The following CEP63 variants were observed in gnomAD, a reference collection of about 807,000 sequenced individuals.
The protein encoded by CEP63 is centrosomal protein 63.
A neutral mutation model predicts 89.1 loss-of-function variants in CEP63; 84 were observed. That is an observed-to-expected ratio of 0.94 (90% confidence interval 0.79 to 1.13). CEP63 has a LOEUF of 1.13. Among genes scored for constraint, CEP63 ranks in the 50% most tolerant of loss-of-function variants. The pLI, the probability that CEP63 is intolerant of heterozygous loss-of-function variation, is 0.00. For synonymous variants in CEP63, 267 were observed against 272.5 expected (o/e 0.98, Z 0.20); for missense variants, 838 against 813.3 (o/e 1.03, Z -0.37).
the CEP63 span, among the ~76,000 whole-genome samples, chr3:134,599,805 C>G: frequency 6.6e-6 from 1 of 152,226 alleles, no homozygotes; most frequent in African/African-American, 2.4e-5. Flanking sequence ...TCGCATTCAA[C>G]TGGCTGGGAC....
At chr3:134,678,763 C>A in the CEP63 span, among the ~76,000 whole-genome samples, 1 of 152,178 alleles carries the variant, frequency 6.6e-6, no homozygotes, top group Non-Finnish European at 1.5e-5. Context: ...ATACCCACCT[C>A]ACTGTGCTGC....
the CEP63 span, chr3:134,627,714 T>A: frequency 3.8e-6 from 6 of 1,568,368 alleles, no homozygotes; most frequent in Non-Finnish European, 5.3e-6. Flanking sequence ...GCTAAACCCA[T>A]GTGCTCTCTT....
chr3:134,612,422 G>A, the CEP63 span, among the ~76,000 whole-genome samples: 5 of 152,180 alleles, frequency 3.3e-5, no homozygotes, highest in Admixed American at 6.5e-5. Context: ...TCATTTCTCT[G>A]CAGTGCAGAG....
In CEP63 at chr3:134,557,390, T is replaced by TG. The variant is rs1237311365; in HGVS notation, c.1468-752_1468-751insG. 5.5e-4 allele frequency among the ~76,000 whole-genome samples: 81 copies of TG among 146,690 alleles called. 1 individual carries two copies. The highest frequency in any genetic ancestry group is 3.4e-3 in the Middle Eastern group (1 of 294). Reference sequence around the variant, plus strand: ...TTTCATAATTTGTTTTTTTTTTTTTTTTTTTTTTTTTTTTACAGAAAAGAC... The same window carrying TG: ...TTTCATAATTTGTTTTTTTTTTTTTTGTTTTTTTTTTTTTTACAGAAAAGAC... On this transcript the variant is annotated intron_variant, in intron 12 of 14. Coordinates refer to ENST00000675561, the MANE Select transcript of CEP63 (RefSeq NM_001353108.3).
chr3:134,594,485 A>T, the CEP63 span, among the ~76,000 whole-genome samples: 56 of 151,978 alleles, frequency 3.7e-4, no homozygotes, highest in Admixed American at 1.2e-3. Flanking sequence ...GGGCGGGCGG[A>T]TTCCCCCGAG....
chr3:134,561,715 G>A lies in CEP63; in HGVS notation c.*180G>A. On this transcript the variant is annotated 3_prime_UTR_variant, in exon 15 of 15. Coordinates refer to ENST00000675561, the MANE Select transcript of CEP63 (RefSeq NM_001353108.3). ...ATAGGCATTTTCTCTGCACTGGTTT[G>A]TTTAAAGGACTTCTTCCAGCAATAA... 1 of 1,414,504 alleles carries A rather than the reference G, an allele frequency of 7.1e-7. No homozygotes were observed. Among genetic ancestry groups the A allele is most frequent in the Non-Finnish European group, 9.2e-7 (1 of 1,089,292 alleles). The allele number at this position is 1,414,504 out of a possible 1,614,324, so 87.6% of individuals were successfully genotyped here.
intron 2 of CEP63, among the ~76,000 whole-genome samples, chr3:134,505,965 T>G (rs1161639739): frequency 6.6e-6 from 1 of 152,216 alleles, no homozygotes; most frequent in Non-Finnish European, 1.5e-5. Flanking sequence ...CATGTCATGG[T>G]CACAGCATTT....
At position 134,561,403 on chromosome 3, in the gene CEP63, T is replaced by G; in HGVS notation, c.1980T>G (p.Gly660=). 6.2e-7 allele frequency: 1 copy of G among 1,614,048 alleles called. No individual in the cohort carries two copies. The highest frequency in any genetic ancestry group is 8.5e-7 in the Non-Finnish European group (1 of 1,179,950). The change falls in exon 15 of 15, where the codon GGT becomes GGG. Residue 660 remains glycine, a synonymous_variant. Transcript: ENST00000675561. ...GTTCCTTGCCTGTATCTCCCCTTGG[T>G]TCAATAGCTACCAGATTTTTGGAAG... ...SSCSLPVSPL[G]SIATRFLEEE... is the part of the protein sequence containing the mutation.
At chr3:134,767,774 T>C in the CEP63 span, among the ~76,000 whole-genome samples, 2 of 152,308 alleles carry the variant, frequency 1.3e-5, no homozygotes, top group East Asian at 3.9e-4. Flanking sequence ...TTTTTGAGTA[T>C]CTGTGCTGTG....
intron 6 of CEP63, among the ~76,000 whole-genome samples, chr3:134,544,634 G>C (rs1577248913): frequency 2.5e-5 from 2 of 81,188 alleles, no homozygotes; most frequent in African/African-American, 7.9e-5. Flanking sequence ...ACATGCTCTA[G>C]GTGGGGGGGG....
At chr3:134,631,743 T>C in the CEP63 span, among the ~76,000 whole-genome samples, 1 of 151,946 alleles carries the variant, frequency 6.6e-6, no homozygotes, top group Admixed American at 6.6e-5. Context: ...CAAATTTAAA[T>C]GTAATTCTGA....
the CEP63 span, chr3:134,647,297 C>T: frequency 1.5e-6 from 1 of 682,676 alleles, no homozygotes; most frequent in African/African-American, 1.8e-5. Context: ...CCTTAGAGGC[C>T]TGGCTGGGTC....
chr3:134,753,969 G>A, the CEP63 span, among the ~76,000 whole-genome samples: 4 of 152,216 alleles, frequency 2.6e-5, no homozygotes, highest in Non-Finnish European at 5.9e-5. Flanking sequence ...TTCTATGCAT[G>A]TGTGTTGCTC....
intron 9 of CEP63, 142 bp downstream of exon 9, chr3:134,547,614 C>CTTTTTTCTT (rs1953750228): frequency 4.5e-6 from 1 of 224,274 alleles, no homozygotes; most frequent in African/African-American, 2.9e-5. Flanking sequence ...GTTCTTATTT[C>CTTTTTTCTT]TTTTTTTTTT....
At chr3:134,556,605 G>C (rs73221365) in intron 12 of CEP63, among the ~76,000 whole-genome samples, 20,250 of 152,082 alleles carry the variant, frequency 0.13, 1,867 homozygotes, top group Non-Finnish European at 0.2. Flanking sequence ...TTGGTTGAGA[G>C]ACTCTTATCT....
chr3:134,748,516 T>C, the CEP63 span, among the ~76,000 whole-genome samples: 1 of 152,042 alleles, frequency 6.6e-6, no homozygotes, highest in Non-Finnish European at 1.5e-5. Context: ...TCTTTCTACA[T>C]ATACTGAATG....
At chr3:134,569,130 C>A (rs955054207), downstream of CEP63, among the ~76,000 whole-genome samples, 1 of 152,190 alleles carries the variant, frequency 6.6e-6, no homozygotes, top group Admixed American at 6.5e-5. Context: ...CCTCCCACAA[C>A]ACGTGGGAAT....
chr3:134,486,500 G>C, intron 1 of CEP63: 1 of 985,780 alleles, frequency 1.0e-6, no homozygotes, highest in Middle Eastern at 5.2e-4. Context: ...GGCCCCGCCA[G>C]GTGGTCAGCC....
Position 134,558,353 on chromosome 3 carries a change from A to AT in CEP63, c.1673+12dup, listed in dbSNP as rs35934324. ...TTCAAGAATACAGAGTTCAAGTAAA[A>AT]TTTTTTAAAAGTTTATTTAAAATGT... is the stretch of plus-strand genomic sequence containing the variant. On this transcript the variant is annotated splice_region_variant and intron_variant, in intron 13 of 14. Transcript: ENST00000675561. 0.31 allele frequency: 487,068 copies of AT among 1,572,726 alleles called. 78,246 individuals carry two copies. Among genetic ancestry groups the AT allele is most frequent in the African/African-American group, 0.35 (26,234 of 73,984 alleles).
Sources: allele counts gnomAD v4.1 joint callset (sites outside exome capture counted in the v4.1 genomes callset), GRCh38; gene constraint gnomAD v4.1.1; transcripts MANE v1.5; gene names NCBI Gene and HGNC (gene_info 2026-07-23, HGNC 2026-07-21).